XKR6: variants seen among roughly 807,000 people sequenced by gnomAD.
The protein encoded by XKR6 is XK-related protein 6.
A neutral mutation model predicts 56.7 loss-of-function variants in XKR6; 22 were observed. That is an observed-to-expected ratio of 0.39 (90% confidence interval 0.28 to 0.55). The LOEUF (loss-of-function observed/expected upper bound fraction) is 0.55. XKR6 is among the 20% of genes least tolerant of loss of function. The pLI is 0.66. For missense variants in XKR6, 852 were observed against 889.0 expected (o/e 0.96, Z 0.53); for synonymous variants, 524 against 387.8 (o/e 1.35, Z -4.13).
chr8:11,136,372 C>T (rs1012845075), intron 1 of XKR6, among the ~76,000 whole-genome samples: 3 of 152,128 alleles, frequency 2.0e-5, no homozygotes, highest in Non-Finnish European at 2.9e-5. Context: ...GGTGTGGTGG[C>T]GGGTGCCCGC....
At chr8:11,083,098 C>T (rs935889074) in intron 1 of XKR6, among the ~76,000 whole-genome samples, 30 of 152,150 alleles carry the variant, frequency 2.0e-4, no homozygotes, top group African/African-American at 7.2e-4. Context: ...GGGGCTGCTG[C>T]AGAACTAGGC....
At chr8:10,986,796 T>C (rs188934491) in intron 1 of XKR6, among the ~76,000 whole-genome samples, 2 of 152,196 alleles carry the variant, frequency 1.3e-5, no homozygotes, top group East Asian at 1.9e-4. Flanking sequence ...TTCTTTTTTT[T>C]TTTTAAGAGA....
At chr8:10,972,650 A>C (rs940395038) in intron 1 of XKR6, among the ~76,000 whole-genome samples, 3 of 152,236 alleles carry the variant, frequency 2.0e-5, no homozygotes, top group Non-Finnish European at 4.4e-5. Context: ...TATGTGAGCT[A>C]TTCAGAGGAG....
At chr8:11,189,127 C>A (rs1803418590) in intron 1 of XKR6, among the ~76,000 whole-genome samples, 1 of 152,158 alleles carries the variant, frequency 6.6e-6, no homozygotes, top group South Asian at 2.1e-4. Context: ...TAGGTCATGT[C>A]TCCTCTTTCA....
intron 1 of XKR6, among the ~76,000 whole-genome samples, chr8:10,999,902 G>C (rs988006070): frequency 3.9e-5 from 6 of 152,322 alleles, no homozygotes; most frequent in African/African-American, 1.4e-4. Context: ...GAGAGCACCA[G>C]TGTTTCTTAT....
intron 1 of XKR6, among the ~76,000 whole-genome samples, chr8:10,932,987 T>C (rs1269789115): frequency 6.6e-6 from 1 of 151,266 alleles, no homozygotes; most frequent in Non-Finnish European, 1.5e-5. Flanking sequence ...TCTAGATCCC[T>C]GAGGAATCCC....
intron 1 of XKR6, among the ~76,000 whole-genome samples, chr8:11,157,296 G>A (rs1421188866): frequency 6.6e-6 from 1 of 152,114 alleles, no homozygotes; most frequent in Non-Finnish European, 1.5e-5. Flanking sequence ...TGGAAAAACT[G>A]CAGAAATCCA....
chr8:11,172,285 A>G (rs1431046002), intron 1 of XKR6, among the ~76,000 whole-genome samples: 1 of 152,076 alleles, frequency 6.6e-6, no homozygotes, highest in African/African-American at 2.4e-5. Context: ...TAGAAGGATC[A>G]CCTGAGCCTG....
intron 1 of XKR6, among the ~76,000 whole-genome samples, chr8:10,925,495 G>T (rs1384996876): frequency 6.6e-6 from 1 of 152,188 alleles, no homozygotes; most frequent in African/African-American, 2.4e-5. Context: ...GCCTGCCATG[G>T]AGTCTCCGTC....
chr8:10,911,078 T>G (rs1800343486), intron 2 of XKR6, among the ~76,000 whole-genome samples: 1 of 152,156 alleles, frequency 6.6e-6, no homozygotes, highest in Admixed American at 6.5e-5. Flanking sequence ...ACAGCTGGCT[T>G]GGGTCCAGCC....
At chr8:11,131,201 C>T (rs1247571741) in intron 1 of XKR6, among the ~76,000 whole-genome samples, 5 of 152,138 alleles carry the variant, frequency 3.3e-5, no homozygotes, top group African/African-American at 1.2e-4. Context: ...CTTTCATTTT[C>T]CATAGCTTTA....
intron 1 of XKR6, among the ~76,000 whole-genome samples, chr8:11,092,448 G>C (rs935126502): frequency 2.0e-5 from 3 of 152,202 alleles, no homozygotes; most frequent in African/African-American, 4.8e-5. Flanking sequence ...ACTTTGACCT[G>C]AGACTCCCCT....
At chr8:11,048,796 T>C (rs1031292395) in intron 1 of XKR6, among the ~76,000 whole-genome samples, 1 of 152,172 alleles carries the variant, frequency 6.6e-6, no homozygotes, top group African/African-American at 2.4e-5. Context: ...CCCCTGGCTC[T>C]GCGTGGTTCT....
At chr8:10,902,828 C>A (rs191410453) in intron 2 of XKR6, among the ~76,000 whole-genome samples, 2 of 152,164 alleles carry the variant, frequency 1.3e-5, no homozygotes, top group Non-Finnish European at 2.9e-5. Flanking sequence ...GCAACAGGGG[C>A]GAGAATGATC....
intron 1 of XKR6, among the ~76,000 whole-genome samples, chr8:10,932,259 G>C (rs1035157837): frequency 6.6e-6 from 1 of 152,144 alleles, no homozygotes; most frequent in Non-Finnish European, 1.5e-5. Context: ...ATTGCAGTGG[G>C]AATGCAAATG....
At chr8:11,110,105 T>C (rs1224790495) in intron 1 of XKR6, among the ~76,000 whole-genome samples, 1 of 152,162 alleles carries the variant, frequency 6.6e-6, no homozygotes, top group Non-Finnish European at 1.5e-5. Flanking sequence ...CCTGAGTAGC[T>C]GGGATTACAG....
chr8:11,122,284 G>A (rs529629445), intron 1 of XKR6, among the ~76,000 whole-genome samples: 1 of 152,362 alleles, frequency 6.6e-6, no homozygotes, highest in Admixed American at 6.5e-5. Flanking sequence ...TCAGTCTCTA[G>A]GAAGGAGGCA....
At chr8:11,036,761 C>G (rs1489864184) in intron 1 of XKR6, among the ~76,000 whole-genome samples, 1 of 152,218 alleles carries the variant, frequency 6.6e-6, no homozygotes, top group Non-Finnish European at 1.5e-5. Context: ...AGCCCTTGAA[C>G]CCTAAGTTAT....
intron 2 of XKR6, among the ~76,000 whole-genome samples, chr8:10,906,514 A>G (rs2129108627): frequency 6.6e-6 from 1 of 152,378 alleles, no homozygotes; most frequent in African/African-American, 2.4e-5. Context: ...TTTGCTGAAA[A>G]TATGTACACA....
Sources: allele counts gnomAD v4.1 joint callset (sites outside exome capture counted in the v4.1 genomes callset), GRCh38; gene constraint gnomAD v4.1.1; transcripts MANE v1.5; gene names NCBI Gene and HGNC (gene_info 2026-07-23, HGNC 2026-07-21).